BARX2: variants seen among roughly 807,000 people sequenced by gnomAD.
BARX2 encodes the protein BARX homeobox 2.
In BARX2, 11 loss-of-function variants were observed where a neutral mutation model predicts 25.5. The ratio of observed to expected loss-of-function variants is 0.43; its 90% CI spans 0.27 to 0.71. BARX2 has a LOEUF of 0.71. Among genes scored for constraint, BARX2 ranks in the 30% least tolerant of loss-of-function variants. The pLI, the probability that BARX2 is intolerant of heterozygous loss-of-function variation, is 0.19. For missense variants in BARX2, 360 were observed against 359.9 expected, an observed-to-expected ratio of 1.00 and a Z score of 0.00; for synonymous variants, 137 against 149.5, an observed-to-expected ratio of 0.92 and a Z score of 0.61.
At chr11:129,442,211 T>A (rs561861832) in intron 2 of BARX2, among the ~76,000 whole-genome samples, 1 of 152,296 alleles carries the variant, frequency 6.6e-6, no homozygotes, top group East Asian at 1.9e-4. Flanking sequence ...GATTTAGCAG[T>A]GTGATGGGCA....
intron 1 of BARX2, among the ~76,000 whole-genome samples, chr11:129,381,988 C>T (rs1237773545): frequency 1.3e-5 from 2 of 152,172 alleles, no homozygotes; most frequent in African/African-American, 4.8e-5. Context: ...GTGCTGGGGC[C>T]TCTTCAAGGT....
intron 1 of BARX2, among the ~76,000 whole-genome samples, chr11:129,378,902 A>G (rs540344785): frequency 6.6e-6 from 1 of 152,192 alleles, no homozygotes; most frequent in African/African-American, 2.4e-5. Context: ...TTAGTAACCT[A>G]AAGGTCAATT....
chr11:129,448,483 A>G (rs917399680), intron 3 of BARX2, among the ~76,000 whole-genome samples: 2 of 152,236 alleles, frequency 1.3e-5, no homozygotes, highest in East Asian at 1.9e-4. Flanking sequence ...AATTTCTCCA[A>G]TGAAGATATA....
In BARX2 at chr11:129,436,986, C is replaced by T. The variant is rs555844835; in HGVS notation, c.423C>T (p.Thr141=). The change falls in exon 2 of 4, where the codon ACC becomes ACT. Residue 141 remains threonine, a synonymous_variant. Transcript: ENST00000281437. This position sits in a 1 kb window ranked among gnomAD's most constrained non-coding sequence, Gnocchi z 4.5. ...KKPRRSRTIF[T]ELQLMGLEKK... Reference sequence around the variant, plus strand: ...CCCGCCGGAGTCGCACCATCTTCACCGAGCTGCAGCTCATGGGCCTGGAGA... The same window carrying T: ...CCCGCCGGAGTCGCACCATCTTCACTGAGCTGCAGCTCATGGGCCTGGAGA... The T allele has an allele frequency of 8.5e-5, 136 of 1,608,042 alleles. No individual in the cohort carries two copies. In the South Asian group the frequency reaches 1.2e-3, roughly 14 times the overall value.
Position 129,436,887 on chromosome 11 carries a change from T to G in BARX2, c.324T>G (p.Ala108=). 1.9e-6 allele frequency: 3 copies of G among 1,614,020 alleles called. No individual in the cohort carries two copies. Among genetic ancestry groups the G allele is most frequent in the Non-Finnish European group, 2.5e-6 (3 of 1,179,986 alleles). ...ACCAGGTCACCGAGGCGGTCTCTGCTGAGGCCCCAGGGGGCGAGGCCCTAG... is the reference window on the plus strand; with the variant it reads ...ACCAGGTCACCGAGGCGGTCTCTGCGGAGGCCCCAGGGGGCGAGGCCCTAG... ...SCHQVTEAVS[A]EAPGGEALAS... Residue 108 remains alanine (A), a synonymous_variant, in exon 2 of 4, where the codon GCT becomes GCG. Transcript: ENST00000281437. This position sits in a 1 kb window ranked among gnomAD's most constrained non-coding sequence, Gnocchi z 4.5.
chr11:129,437,165 C>T lies in BARX2; in HGVS notation c.488+114C>T, dbSNP rs979942521. 3.9e-5 allele frequency: 46 copies of T among 1,176,492 alleles called. 1 individual carries two copies. Among genetic ancestry groups the T allele is most frequent in the African/African-American group, 3.5e-4 (23 of 64,908 alleles). The allele number at this position is 1,176,492 out of a possible 1,614,324, so 72.9% of individuals were successfully genotyped here. On this transcript the variant is annotated intron_variant, in intron 2 of 3. Transcript: ENST00000281437. ...GGTACAGTGAGGCAGGACACTATGG[C>T]GGAGTCCACTCCTTGGCTCAAATCA...
chr11:129,428,205 T>C lies in BARX2; in HGVS notation c.188-8546T>C, dbSNP rs188143095. On this transcript the variant is annotated intron_variant, in intron 1 of 3. Transcript: ENST00000281437. ...TGTTTAAACAATGTCTTTGGTTTAT[T>C]ACAGTCATCACACTGTCAGTAGCAG... is the stretch of plus-strand genomic sequence containing the variant. Among the ~76,000 whole-genome samples the C allele has an allele frequency of 8.5e-5, 13 of 152,338 alleles. No individual in the cohort carries two copies. In the East Asian group the frequency reaches 2.5e-3, roughly 29 times the overall value.
At chr11:129,405,248 A>G (rs1361168057) in intron 1 of BARX2, among the ~76,000 whole-genome samples, 1 of 152,014 alleles carries the variant, frequency 6.6e-6, no homozygotes, top group Non-Finnish European at 1.5e-5. Context: ...GGCTACTCAC[A>G]CTCTTGAGGG....
chr11:129,426,364 A>T (rs1336778191), intron 1 of BARX2, among the ~76,000 whole-genome samples: 1 of 150,966 alleles, frequency 6.6e-6, no homozygotes, highest in Admixed American at 6.6e-5. Context: ...TCTGTTTTCC[A>T]TGCTGGTTTT....
intron 1 of BARX2, among the ~76,000 whole-genome samples, chr11:129,434,117 CAA>C (rs146352602): frequency 6.8e-6 from 1 of 146,724 alleles, no homozygotes; most frequent in Non-Finnish European, 1.5e-5. Flanking sequence ...TAAAGGCAGA[CAA>C]AAAAAAAATC....
At chr11:129,410,483 G>T (rs1293912723) in intron 1 of BARX2, among the ~76,000 whole-genome samples, 4 of 152,092 alleles carry the variant, frequency 2.6e-5, no homozygotes, top group African/African-American at 9.7e-5. Context: ...CATGTTTGAG[G>T]CTTTCCTCAG....
chr11:129,383,343 A>G (rs1861587007), intron 1 of BARX2, among the ~76,000 whole-genome samples: 1 of 152,210 alleles, frequency 6.6e-6, no homozygotes, highest in Non-Finnish European at 1.5e-5. Context: ...AACTTGGCAC[A>G]CGTTTAAGGA....
chr11:129,444,992 C>G (rs1323778714), intron 3 of BARX2, among the ~76,000 whole-genome samples: 1 of 151,336 alleles, frequency 6.6e-6, no homozygotes, highest in African/African-American at 2.4e-5. Context: ...CGGAGCAAGA[C>G]TCCGTCTCAA....
chr11:129,424,429 C>G (rs1050830041), intron 1 of BARX2, among the ~76,000 whole-genome samples: 2 of 152,132 alleles, frequency 1.3e-5, no homozygotes, highest in African/African-American at 4.8e-5. Flanking sequence ...TGTGTGTCTG[C>G]CTGTCTTCTC....
intron 2 of BARX2, 84 bp downstream of exon 2, chr11:129,437,135 G>A (rs1862200968): frequency 1.5e-6 from 2 of 1,368,060 alleles, no homozygotes; most frequent in African/African-American, 1.5e-5. Context: ...TGGAGCCACA[G>A]CACTGGTACA....
intron 1 of BARX2, among the ~76,000 whole-genome samples, chr11:129,385,656 T>C (rs1168665036): frequency 6.6e-6 from 1 of 152,200 alleles, no homozygotes; most frequent in Non-Finnish European, 1.5e-5. Flanking sequence ...CACAGGTTTT[T>C]ATTTTCCTAT....
At chr11:129,420,468 C>T (rs1861992173) in intron 1 of BARX2, among the ~76,000 whole-genome samples, 1 of 152,200 alleles carries the variant, frequency 6.6e-6, no homozygotes. Flanking sequence ...TTCTGTGTGA[C>T]TTTGTTTAAT....
intron 1 of BARX2, among the ~76,000 whole-genome samples, chr11:129,387,137 TAAAC>T (rs1861623998): frequency 6.6e-6 from 1 of 152,228 alleles, no homozygotes; most frequent in Non-Finnish European, 1.5e-5. Context: ...TGGGATCAGT[TAAAC>T]AGACTGACAC....
intron 1 of BARX2, among the ~76,000 whole-genome samples, chr11:129,405,097 T>C (rs1861817015): frequency 2.0e-5 from 3 of 152,236 alleles, no homozygotes; most frequent in Non-Finnish European, 4.4e-5. Context: ...TGCAATGATA[T>C]CCAGTCCCTT....
Sources: gnomAD v4.1 joint callset for allele counts (sites outside exome capture counted in the v4.1 genomes callset) on GRCh38, gnomAD v4.1.1 for gene constraint, Gnocchi (gnomAD v3.1) non-coding constraint, MANE v1.5 for transcripts, NCBI Gene and HGNC (gene_info 2026-07-23, HGNC 2026-07-21) for gene names.